Variants in SLC35D4 observed in about 807,000 individuals in gnomAD.
SLC35D4 encodes solute carrier family 35 member D4.
At chr18:23,385,948 G>T in the SLC35D4 span, among the ~76,000 whole-genome samples, 2 of 151,746 alleles carry the variant, frequency 1.3e-5, no homozygotes, top group Admixed American at 1.3e-4. Flanking sequence ...TGGCTAACAT[G>T]GTGAAATCCC....
chr18:23,385,218 C>T, the SLC35D4 span: 113 of 661,064 alleles, frequency 1.7e-4, no homozygotes, highest in South Asian at 2.5e-4. Flanking sequence ...CATGGATTAG[C>T]GCTCTTTGCT....
chr18:23,288,496 C>G, the SLC35D4 span, among the ~76,000 whole-genome samples: 1 of 152,196 alleles, frequency 6.6e-6, no homozygotes, highest in South Asian at 2.1e-4. Context: ...CATTCTACTA[C>G]TCCTCAAGGA....
At chr18:23,409,212 G>T in the SLC35D4 span, among the ~76,000 whole-genome samples, 1 of 152,088 alleles carries the variant, frequency 6.6e-6, no homozygotes, top group Non-Finnish European at 1.5e-5. Context: ...TCAAGAAAAA[G>T]ATTATAATTA....
chr18:23,382,599 G>A, the SLC35D4 span, among the ~76,000 whole-genome samples: 1 of 152,178 alleles, frequency 6.6e-6, no homozygotes, highest in African/African-American at 2.4e-5. Flanking sequence ...ATCATTGATT[G>A]TAAGAGCCTT....
chr18:23,271,376 G>T, the SLC35D4 span, among the ~76,000 whole-genome samples: 1 of 152,188 alleles, frequency 6.6e-6, no homozygotes, highest in Non-Finnish European at 1.5e-5. Context: ...GATGGTAAAT[G>T]CAAGTATACA....
the SLC35D4 span, among the ~76,000 whole-genome samples, chr18:23,241,350 A>G: frequency 2.6e-5 from 4 of 151,924 alleles, no homozygotes; most frequent in Non-Finnish European, 5.9e-5. Flanking sequence ...GGCTAACGTG[A>G]TGAAACTCTG....
At chr18:23,414,169 C>T in the SLC35D4 span, among the ~76,000 whole-genome samples, 1 of 151,680 alleles carries the variant, frequency 6.6e-6, no homozygotes. Flanking sequence ...GCAGGAGAAT[C>T]GCTTGAACAG....
chr18:23,309,685 C>T, the SLC35D4 span: 15 of 1,613,838 alleles, frequency 9.3e-6, no homozygotes, highest in Admixed American at 3.3e-5. Context: ...CTTACCATCC[C>T]GTGGTTGCAC....
At chr18:23,254,137 A>G in the SLC35D4 span, among the ~76,000 whole-genome samples, 1 of 152,248 alleles carries the variant, frequency 6.6e-6, no homozygotes, top group East Asian at 1.9e-4. Flanking sequence ...TGACAAGACC[A>G]AAGCTCCTCA....
chr18:23,405,778 T>G, the SLC35D4 span, among the ~76,000 whole-genome samples: 1 of 152,180 alleles, frequency 6.6e-6, no homozygotes, highest in Non-Finnish European at 1.5e-5. Context: ...TGTTGACACT[T>G]ATTCCTGCTG....
chr18:23,248,027 C>G, the SLC35D4 span, among the ~76,000 whole-genome samples: 1 of 152,230 alleles, frequency 6.6e-6, no homozygotes, highest in Non-Finnish European at 1.5e-5. Context: ...ACCCCAAGAG[C>G]TAGGACAAGG....
At chr18:23,310,048 C>T in the SLC35D4 span, among the ~76,000 whole-genome samples, 1 of 152,342 alleles carries the variant, frequency 6.6e-6, no homozygotes, top group Admixed American at 6.5e-5. Flanking sequence ...AGGCCGCCCT[C>T]ATCTCTCTCC....
chr18:23,287,655 C>T, the SLC35D4 span, among the ~76,000 whole-genome samples: 1 of 152,198 alleles, frequency 6.6e-6, no homozygotes, highest in Non-Finnish European at 1.5e-5. Context: ...CATAAACTCA[C>T]AAAAGGAAAC....
chr18:23,385,932 C>T, the SLC35D4 span, among the ~76,000 whole-genome samples: 1 of 151,704 alleles, frequency 6.6e-6, no homozygotes, highest in African/African-American at 2.4e-5. Context: ...GAGATCGAGC[C>T]CATCCTGGCT....
At chr18:23,333,754 T>C in the SLC35D4 span, among the ~76,000 whole-genome samples, 1 of 152,222 alleles carries the variant, frequency 6.6e-6, no homozygotes, top group Non-Finnish European at 1.5e-5. Context: ...TCACTGAAAC[T>C]GAAGACTTCA....
chr18:23,242,461 T>A, the SLC35D4 span, among the ~76,000 whole-genome samples: 1 of 152,202 alleles, frequency 6.6e-6, no homozygotes, highest in Admixed American at 6.5e-5. Context: ...TCTGCACCTC[T>A]TGGCATATAA....
At chr18:23,364,902 C>CAAAAAAAA in the SLC35D4 span, among the ~76,000 whole-genome samples, 135 of 31,884 alleles carry the variant, frequency 4.2e-3, 27 homozygotes, top group African/African-American at 0.014. Context: ...GACTCTGTCT[C>CAAAAAAAA]AAAAAAAAAA....
the SLC35D4 span, among the ~76,000 whole-genome samples, chr18:23,414,359 A>C: frequency 2.7e-3 from 329 of 121,052 alleles, 9 homozygotes; most frequent in East Asian, 0.067. Flanking sequence ...GGCAGGCAGG[A>C]AGGGGAAAGA....
At chr18:23,297,853 G>A in the SLC35D4 span, 1 of 823,286 alleles carries the variant, frequency 1.2e-6, no homozygotes, top group Admixed American at 2.2e-5. Flanking sequence ...CATTCACTTG[G>A]GTGAGGGTGA....
Sources: allele counts gnomAD v4.1 joint callset (sites outside exome capture counted in the v4.1 genomes callset), GRCh38; gene constraint gnomAD v4.1.1; transcripts MANE v1.5; gene names NCBI Gene and HGNC (gene_info 2026-07-23, HGNC 2026-07-21).